HS6ST3: variants seen among roughly 807,000 people sequenced by gnomAD.
HS6ST3 encodes the protein heparan-sulfate 6-O-sulfotransferase 3.
HS6ST3 carries 12 observed loss-of-function variants against 36.7 expected under a neutral mutation model. That is an observed-to-expected ratio of 0.33 (90% confidence interval 0.21 to 0.53). The LOEUF is 0.53. Among genes scored for constraint, HS6ST3 ranks in the 20% least tolerant of loss-of-function variants. HS6ST3 has a pLI of 0.95. For missense variants in HS6ST3, 584 were observed against 640.9 expected (o/e 0.91, Z 0.96); for synonymous variants, 240 against 257.5 (o/e 0.93, Z 0.65).
chr13:96,350,895 C>A (rs1010748247), intron 1 of HS6ST3, among the ~76,000 whole-genome samples: 3 of 152,136 alleles, frequency 2.0e-5, no homozygotes, highest in African/African-American at 7.2e-5. Context: ...TCCTGTCCAT[C>A]CAATTTCATT....
chr13:96,821,881 T>C (rs1364631276), intron 1 of HS6ST3, among the ~76,000 whole-genome samples: 9 of 152,260 alleles, frequency 5.9e-5, no homozygotes, highest in East Asian at 1.9e-4. Context: ...ATTCTTGTGA[T>C]GTTTTTGGAA....
intron 1 of HS6ST3, among the ~76,000 whole-genome samples, chr13:96,541,594 G>A (rs2056178065): frequency 6.6e-6 from 1 of 152,126 alleles, no homozygotes; most frequent in African/African-American, 2.4e-5. Flanking sequence ...TATAGTGCCT[G>A]GGAGCTATGA....
chr13:96,465,374 A>T (rs2055807076), intron 1 of HS6ST3, among the ~76,000 whole-genome samples: 1 of 152,206 alleles, frequency 6.6e-6, no homozygotes, highest in African/African-American at 2.4e-5. Context: ...ACATGGGGGA[A>T]TACTCATAGA....
At chr13:96,573,244 C>G (rs1296559605) in intron 1 of HS6ST3, among the ~76,000 whole-genome samples, 1 of 152,156 alleles carries the variant, frequency 6.6e-6, no homozygotes, top group South Asian at 2.1e-4. Context: ...CCTGTCTACT[C>G]TTAATGAAAA....
chr13:96,600,719 C>T (rs914522856), intron 1 of HS6ST3, among the ~76,000 whole-genome samples: 30 of 151,824 alleles, frequency 2.0e-4, no homozygotes, highest in African/African-American at 7.0e-4. Flanking sequence ...TAATTATTAT[C>T]TAGTTGCTTT....
Position 96,389,076 on chromosome 13 carries a change from G to A in HS6ST3, c.707+297507G>A, listed in dbSNP as rs376137791. On this transcript the variant is annotated intron_variant, in intron 1 of 1. Transcript: ENST00000376705. ...ATTTGATAAACTCATTGAAAATGTG[G>A]CCAAATGTAGAGATAGAAAATTAAT... Among the ~76,000 whole-genome samples the A allele has an allele frequency of 5.3e-5, 8 of 152,042 alleles. No homozygotes were observed. In the East Asian group the frequency reaches 1.4e-3, roughly 26 times the overall value.
intron 1 of HS6ST3, among the ~76,000 whole-genome samples, chr13:96,317,348 AT>A (rs1308939412): frequency 0.051 from 1,558 of 30,450 alleles, 31 homozygotes; most frequent in Non-Finnish European, 0.067. Flanking sequence ...ATATATATAT[AT>A]ATATATATAT....
At position 96,141,251 on chromosome 13, in the gene HS6ST3, C is replaced by A. The variant is rs533264220; in HGVS notation, c.707+49682C>A. On this transcript the variant is annotated intron_variant, in intron 1 of 1. Transcript: ENST00000376705. ...ACCAGATGGCAGTCTTTTAGTTGTA[C>A]AACAAGAATGCCTGGACAATAAGAA... 9.9e-5 allele frequency among the ~76,000 whole-genome samples: 15 copies of A among 152,232 alleles called. 2 individuals carry two copies. The highest frequency in any genetic ancestry group is 3.6e-4 in the African/African-American group (15 of 41,540).
intron 1 of HS6ST3, among the ~76,000 whole-genome samples, chr13:96,175,101 T>C (rs2054205974): frequency 1.3e-5 from 2 of 152,244 alleles, no homozygotes. Context: ...TAATTAGTCT[T>C]ACCGTTTCTT....
chr13:96,437,884 G>T lies in HS6ST3; in HGVS notation c.707+346315G>T, dbSNP rs183727727. On this transcript the variant is annotated intron_variant, in intron 1 of 1. Transcript: ENST00000376705. ...TACTCTTCATGTTAAAAAGTATGAGGATTGGTCTCTTTTCTAATTTTTCTT... is the reference window on the plus strand; with the variant it reads ...TACTCTTCATGTTAAAAAGTATGAGTATTGGTCTCTTTTCTAATTTTTCTT... 1.7e-4 allele frequency among the ~76,000 whole-genome samples: 26 copies of T among 152,272 alleles called. 1 individual carries two copies. In the East Asian group the frequency reaches 4.8e-3, roughly 28 times the overall value.
intron 1 of HS6ST3, among the ~76,000 whole-genome samples, chr13:96,540,487 A>G (rs1252494909): frequency 6.6e-6 from 1 of 152,206 alleles, no homozygotes; most frequent in Non-Finnish European, 1.5e-5. Context: ...TGAATAGCAG[A>G]AAACATTTAA....
At chr13:96,175,355 A>G (rs1319347826) in intron 1 of HS6ST3, among the ~76,000 whole-genome samples, 1 of 128,072 alleles carries the variant, frequency 7.8e-6, no homozygotes, top group Non-Finnish European at 1.9e-5. Context: ...TCCTTTTGTA[A>G]CAGTTTTTTT....
At chr13:96,825,959 T>A (rs1248753056) in intron 1 of HS6ST3, among the ~76,000 whole-genome samples, 2 of 152,222 alleles carry the variant, frequency 1.3e-5, no homozygotes, top group African/African-American at 4.8e-5. Flanking sequence ...TTTTTTATGT[T>A]CTCAACATTT....
rs1438087412 is a variant in HS6ST3, at chr13:96,796,479, T to C, written c.708-36011T>C. Among the ~76,000 whole-genome samples, 3 of 152,196 alleles carry C rather than the reference T, an allele frequency of 2.0e-5. No individual in the cohort carries two copies. In the East Asian group the frequency reaches 5.8e-4, roughly 29 times the overall value. On this transcript the variant is annotated intron_variant, in intron 1 of 1. Coordinates refer to ENST00000376705, the MANE Select transcript of HS6ST3 (RefSeq NM_153456.4). ...GAAGCACTGTTCAACTTAATGAAGT[T>C]TTCAAGGTTAACTTTTTAAAGAAAA...
chr13:96,112,578 A>AATATATATATATATATATAT (rs59107741), intron 1 of HS6ST3, among the ~76,000 whole-genome samples: 7 of 81,230 alleles, frequency 8.6e-5, no homozygotes, highest in Admixed American at 3.3e-4. Flanking sequence ...AAAATAAATA[A>AATATATATATATATATATAT]ATATATATAT....
In HS6ST3 at chr13:96,817,604, T is replaced by C. The variant is rs1286556308; in HGVS notation, c.708-14886T>C. ...TGAAAAGCTTTTAGCTGGTTTTTTG[T>C]TGGATTTTTGTTGATGGGTCTTCCC... On this transcript the variant is annotated intron_variant, in intron 1 of 1. Transcript: ENST00000376705. Among the ~76,000 whole-genome samples, 6 of 152,256 alleles carry C rather than the reference T, an allele frequency of 3.9e-5. No individual in the cohort carries two copies. The East Asian group carries it at 1.2e-3, about 29-fold the overall frequency.
chr13:96,554,863 G>T (rs1024854626), intron 1 of HS6ST3, among the ~76,000 whole-genome samples: 2 of 151,922 alleles, frequency 1.3e-5, no homozygotes, highest in Non-Finnish European at 2.9e-5. Context: ...GAGCTCAGGA[G>T]TTTGAGACCA....
chr13:96,200,259 C>G (rs967073871), intron 1 of HS6ST3, among the ~76,000 whole-genome samples: 2 of 152,182 alleles, frequency 1.3e-5, no homozygotes, highest in Non-Finnish European at 2.9e-5. Context: ...ATCTCATACC[C>G]TGCAATGGCT....
intron 1 of HS6ST3, among the ~76,000 whole-genome samples, chr13:96,202,417 C>T (rs1345999590): frequency 1.3e-5 from 2 of 152,168 alleles, no homozygotes; most frequent in African/African-American, 4.8e-5. Context: ...TTATTCCCTG[C>T]CCCAATCATC....
Sources: gnomAD v4.1 joint callset for allele counts (sites outside exome capture counted in the v4.1 genomes callset) on GRCh38, gnomAD v4.1.1 for gene constraint, MANE v1.5 for transcripts, NCBI Gene and HGNC (gene_info 2026-07-23, HGNC 2026-07-21) for gene names.